Variants in TRAPPC9 observed in about 807,000 individuals in gnomAD.
TRAPPC9 encodes IKK2 binding protein.
In TRAPPC9, 83 loss-of-function variants were observed where a neutral mutation model predicts 124.0. That is an observed-to-expected ratio of 0.67 (90% CI 0.56 to 0.80). The LOEUF (loss-of-function observed/expected upper bound fraction) is 0.80. TRAPPC9 is among the 30% of genes least tolerant of loss of function. The probability of loss-of-function intolerance (pLI) is 0.00; values close to 1 mark genes in which losing one functional copy is unlikely to be tolerated. For missense variants in TRAPPC9, 1,302 were observed against 1,508.3 expected, an observed-to-expected ratio of 0.86 and a Z score of 2.27; for synonymous variants, 638 against 617.5, an observed-to-expected ratio of 1.03 and a Z score of -0.49.
intron 17 of TRAPPC9, among the ~76,000 whole-genome samples, chr8:140,220,639 C>T (rs191951904): frequency 9.2e-5 from 14 of 152,338 alleles, no homozygotes; most frequent in African/African-American, 2.4e-4. Context: ...TGCTCCTCCA[C>T]CCCTCCTCTT....
At chr8:140,422,407 A>G (rs1216010320) in intron 5 of TRAPPC9, among the ~76,000 whole-genome samples, 2 of 152,224 alleles carry the variant, frequency 1.3e-5, no homozygotes, top group Non-Finnish European at 2.9e-5. Context: ...ACACAGAATG[A>G]AAGAAAAATT....
chr8:139,803,020 G>A (rs4621786), intron 21 of TRAPPC9, among the ~76,000 whole-genome samples: 3,638 of 151,984 alleles, frequency 0.024, 150 homozygotes, highest in East Asian at 0.12. Context: ...GTGTGCATCC[G>A]TAGATGAACG....
At chr8:140,137,726 C>T (rs552822017) in intron 17 of TRAPPC9, among the ~76,000 whole-genome samples, 2 of 152,346 alleles carry the variant, frequency 1.3e-5, no homozygotes, top group African/African-American at 2.4e-5. Flanking sequence ...TACAATCCTA[C>T]GTAGTAGATA....
intron 17 of TRAPPC9, among the ~76,000 whole-genome samples, chr8:140,121,819 G>T (rs1323775363): frequency 1.3e-5 from 2 of 152,142 alleles, no homozygotes; most frequent in Admixed American, 6.5e-5. Flanking sequence ...TCGTGTGTCT[G>T]TAGGGCAGGC....
chr8:139,890,634 G>T (rs904409866), intron 20 of TRAPPC9, among the ~76,000 whole-genome samples: 1 of 152,116 alleles, frequency 6.6e-6, no homozygotes, highest in Non-Finnish European at 1.5e-5. Flanking sequence ...ACGGGAAGGC[G>T]AAGGCTTGTC....
intron 17 of TRAPPC9, among the ~76,000 whole-genome samples, chr8:140,196,882 C>T (rs1185851116): frequency 6.6e-6 from 1 of 152,104 alleles, no homozygotes; most frequent in Non-Finnish European, 1.5e-5. Flanking sequence ...ACCTGTGATA[C>T]TAAAACACTC....
chr8:140,118,992 G>T (rs189716655), intron 17 of TRAPPC9, among the ~76,000 whole-genome samples: 2 of 152,240 alleles, frequency 1.3e-5, no homozygotes, highest in African/African-American at 4.8e-5. Context: ...GTTAACTACC[G>T]TCAAGGGTCT....
intron 7 of TRAPPC9, among the ~76,000 whole-genome samples, chr8:140,384,191 C>G (rs1380541085): frequency 6.6e-6 from 1 of 152,160 alleles, no homozygotes; most frequent in Non-Finnish European, 1.5e-5. Context: ...CAACCAGTAA[C>G]AGTCACTGCA....
chr8:140,153,238 T>C (rs570084402), intron 17 of TRAPPC9, among the ~76,000 whole-genome samples: 2 of 152,262 alleles, frequency 1.3e-5, no homozygotes, highest in African/African-American at 2.4e-5. Context: ...CCCTCCTCAT[T>C]TCTCACCAGT....
chr8:140,108,261 C>T (rs948648462), intron 17 of TRAPPC9, among the ~76,000 whole-genome samples: 1 of 152,206 alleles, frequency 6.6e-6, no homozygotes, highest in African/African-American at 2.4e-5. Flanking sequence ...AGAAGCCAAA[C>T]TGCAGATGCC....
chr8:139,959,475 A>G (rs928594298), intron 19 of TRAPPC9, among the ~76,000 whole-genome samples: 2 of 152,176 alleles, frequency 1.3e-5, no homozygotes, highest in African/African-American at 4.8e-5. Context: ...CTCGCCCCAC[A>G]GCTGGTGAGA....
chr8:140,357,780 G>A (rs1028617014), intron 9 of TRAPPC9, among the ~76,000 whole-genome samples: 2 of 152,202 alleles, frequency 1.3e-5, no homozygotes, highest in African/African-American at 2.4e-5. Flanking sequence ...AGTGCAAATG[G>A]GCCATGGAGC....
chr8:140,134,370 G>A (rs747603831), intron 17 of TRAPPC9, among the ~76,000 whole-genome samples: 5 of 152,050 alleles, frequency 3.3e-5, no homozygotes, highest in South Asian at 2.1e-4. Flanking sequence ...GAGTTCAAGC[G>A]ATTCTCCTGC....
chr8:140,194,666 A>G (rs1039583911), intron 17 of TRAPPC9, among the ~76,000 whole-genome samples: 9 of 152,198 alleles, frequency 5.9e-5, no homozygotes. Context: ...AGGAACCTCA[A>G]TACCTACTCA....
chr8:140,186,177 C>T (rs1160570856), intron 17 of TRAPPC9, among the ~76,000 whole-genome samples: 1 of 152,186 alleles, frequency 6.6e-6, no homozygotes, highest in Non-Finnish European at 1.5e-5. Context: ...ATTTACAAAG[C>T]AAATTTAAAG....
At chr8:140,124,666 C>T (rs1242017811) in intron 17 of TRAPPC9, among the ~76,000 whole-genome samples, 1 of 152,162 alleles carries the variant, frequency 6.6e-6, no homozygotes, top group Non-Finnish European at 1.5e-5. Context: ...GGAAGCACAG[C>T]CCCTCACAGG....
At chr8:140,403,405 G>A (rs1322149207) in intron 6 of TRAPPC9, among the ~76,000 whole-genome samples, 1 of 151,622 alleles carries the variant, frequency 6.6e-6, no homozygotes. Flanking sequence ...CTCGAGCCTG[G>A]GCAACAGAGC....
At chr8:139,874,791 A>C (rs916603405) in intron 21 of TRAPPC9, among the ~76,000 whole-genome samples, 1 of 152,184 alleles carries the variant, frequency 6.6e-6, no homozygotes, top group Non-Finnish European at 1.5e-5. Context: ...TGTAGCCATG[A>C]GAATTCTCCA....
chr8:139,779,583 A>C (rs1205659729), intron 21 of TRAPPC9, among the ~76,000 whole-genome samples: 12 of 152,218 alleles, frequency 7.9e-5, no homozygotes, highest in Non-Finnish European at 2.9e-5. Flanking sequence ...TTGCAACTAC[A>C]TTATAATAAG....
Sources: gnomAD v4.1 joint callset for allele counts (sites outside exome capture counted in the v4.1 genomes callset) on GRCh38, gnomAD v4.1.1 for gene constraint, MANE v1.5 for transcripts, NCBI Gene and HGNC (gene_info 2026-07-23, HGNC 2026-07-21) for gene names.